Variants in ARFGEF1 observed in about 807,000 individuals in gnomAD.
ARFGEF1 encodes the protein ARF guanine nucleotide exchange factor 1.
In ARFGEF1, 42 loss-of-function variants were observed where a neutral mutation model predicts 231.0. That is an observed-to-expected ratio of 0.18 (90% CI 0.14 to 0.24). ARFGEF1 has a LOEUF of 0.24. Ranked by LOEUF, ARFGEF1 falls within the 10% of genes least tolerant of loss-of-function variation. The pLI, the probability that ARFGEF1 is intolerant of heterozygous loss-of-function variation, is 1.00. For missense variants in ARFGEF1, 1,345 were observed against 2,192.0 expected (o/e 0.61, Z 7.72); for synonymous variants, 710 against 732.3 (o/e 0.97, Z 0.49).
intron 5 of ARFGEF1, among the ~76,000 whole-genome samples, chr8:67,192,134 G>A (rs756901795): frequency 6.7e-5 from 10 of 149,620 alleles, no homozygotes; most frequent in Admixed American, 1.3e-4. Flanking sequence ...TTGCAGTGGC[G>A]TGATCTCAGT....
At chr8:67,281,086 C>A (rs1235633784) in intron 7 of ARFGEF1, among the ~76,000 whole-genome samples, 2 of 148,670 alleles carry the variant, frequency 1.3e-5, no homozygotes, top group African/African-American at 2.5e-5. Flanking sequence ...GAAACAAAAA[C>A]TACACTGGAA....
chr8:67,317,545 G>C (rs370472388), intron 1 of ARFGEF1, among the ~76,000 whole-genome samples: 6 of 148,338 alleles, frequency 4.0e-5, no homozygotes, highest in African/African-American at 1.0e-4. Flanking sequence ...AATCCAGCAA[G>C]GTATAAAAAG....
intron 1 of ARFGEF1, among the ~76,000 whole-genome samples, chr8:67,338,358 A>C (rs561442816): frequency 1.1e-4 from 17 of 152,200 alleles, no homozygotes; most frequent in Non-Finnish European, 2.4e-4. Context: ...CAGTGTCCCA[A>C]AGTAAGTTCC....
chr8:67,306,584 C>T (rs981554362), intron 1 of ARFGEF1, among the ~76,000 whole-genome samples: 23 of 151,930 alleles, frequency 1.5e-4, no homozygotes, highest in African/African-American at 4.8e-4. Flanking sequence ...AAATACAACC[C>T]GCAAAATAAT....
chr8:67,223,363 G>A (rs982344442), intron 29 of ARFGEF1, among the ~76,000 whole-genome samples: 3 of 152,078 alleles, frequency 2.0e-5, no homozygotes, highest in Non-Finnish European at 4.4e-5. Context: ...TGACCACCAT[G>A]CCTAGTTAAC....
At position 67,226,098 on chromosome 8, in the gene ARFGEF1, T is replaced by A. The variant is rs1165373234; in HGVS notation, c.4002A>T (p.Ala1334=). The A allele has an allele frequency of 6.2e-7, 1 of 1,613,356 alleles. No individual in the cohort carries two copies. The highest frequency in any genetic ancestry group is 2.2e-5 in the East Asian group (1 of 44,826). Residue 1334 remains alanine (A), a synonymous_variant, in exon 28 of 39, where the codon GCA becomes GCT. Transcript: ENST00000262215. ...CTTCCATACTTGTGTCTGGGAAAGC[T>A]GCATTGCACGCAAATTCAGACAAAC... ...VKCLSEFACN[A]AFPDTSMEAI...
chr8:67,262,310 GAAGTA>G (rs1452776953), intron 14 of ARFGEF1, among the ~76,000 whole-genome samples: 1 of 152,204 alleles, frequency 6.6e-6, no homozygotes, highest in East Asian at 1.9e-4. Flanking sequence ...AAGAGACTTA[GAAGTA>G]AAGTGTGAAG....
intron 1 of ARFGEF1, among the ~76,000 whole-genome samples, chr8:67,330,612 A>C (rs185965820): frequency 1.1e-4 from 17 of 152,238 alleles, no homozygotes; most frequent in Non-Finnish European, 2.5e-4. Flanking sequence ...AATTGTAAAA[A>C]CTCATTTTTG....
intron 10 of ARFGEF1, among the ~76,000 whole-genome samples, chr8:67,269,826 C>A (rs1251675157): frequency 1.3e-5 from 2 of 152,058 alleles, no homozygotes; most frequent in African/African-American, 4.8e-5. Context: ...TACAAATTGA[C>A]AAGAAATTTC....
At chr8:67,247,298 T>C (rs901940452) in intron 19 of ARFGEF1, among the ~76,000 whole-genome samples, 3 of 149,242 alleles carry the variant, frequency 2.0e-5, no homozygotes, top group African/African-American at 7.5e-5. Flanking sequence ...AAAAAAAAAT[T>C]GCAGGCCAAT....
At position 67,259,855 on chromosome 8, in the gene ARFGEF1, T is replaced by A. The variant is rs1840584853; in HGVS notation, c.2195A>T (p.Asp732Val). Residue 732 changes from aspartate to valine, a missense_variant, in exon 15 of 39, where the codon GAT (aspartate) becomes GTT (valine). Asp to Val is a radical substitution (Grantham distance 152, BLOSUM62 -3). Around this residue, in one of 14 missense-constraint regions of ARFGEF1, gnomAD observed 105 missense variants for 159.3 expected, o/e 0.66. Transcript: ENST00000262215. ...CTCTTGATGTAAGAATTGGGCAATA[T>A]CTTCAGGTGTGGTGCCAAGCATCCC... ...EQGMLGTTPE[D>V]IAQFLHQEER... 2 of 1,612,818 alleles carry A rather than the reference T, an allele frequency of 1.2e-6. No homozygotes were observed. The highest frequency in any genetic ancestry group is 4.5e-5 in the East Asian group (2 of 44,838).
chr8:67,343,327 C>G lies in ARFGEF1; in HGVS notation c.-40G>C, dbSNP rs1217933029. The G allele has an allele frequency of 6.2e-7, 1 of 1,603,788 alleles. No individual in the cohort carries two copies. The highest frequency in any genetic ancestry group is 1.7e-5 in the Admixed American group (1 of 59,588). On this transcript the variant is annotated 5_prime_UTR_variant, in exon 1 of 39. Coordinates refer to ENST00000262215, the MANE Select transcript of ARFGEF1 (RefSeq NM_006421.5). Reference sequence around the variant, plus strand: ...AGGCGGCGGCTCGTCCGACCCGCGGCTCCCAGCGGCTGGAGGGGAGGAGGA... The same window carrying G: ...AGGCGGCGGCTCGTCCGACCCGCGGGTCCCAGCGGCTGGAGGGGAGGAGGA...
intron 5 of ARFGEF1, chr8:67,190,651 G>A (rs1017592918): frequency 4.3e-6 from 7 of 1,613,300 alleles, no homozygotes; most frequent in Non-Finnish European, 5.9e-6. Flanking sequence ...TCCTCTTAGG[G>A]GCTTACGGTG....
chr8:67,343,010 C>T (rs1184531818), intron 1 of ARFGEF1, among the ~76,000 whole-genome samples, 154 bp downstream of exon 1: 3 of 152,144 alleles, frequency 2.0e-5, no homozygotes, highest in African/African-American at 7.2e-5. Flanking sequence ...GAGTTCCTGT[C>T]AACTCCAGAC....
intron 5 of ARFGEF1, among the ~76,000 whole-genome samples, chr8:67,184,512 C>T (rs1244767361): frequency 6.6e-6 from 1 of 151,430 alleles, no homozygotes; most frequent in Non-Finnish European, 1.5e-5. Context: ...CTGAGGTGGG[C>T]GGATCACCTG....
At position 67,246,828 on chromosome 8, in the gene ARFGEF1, T is replaced by C. The variant is rs936839614; in HGVS notation, c.2850+4471A>G. On this transcript the variant is annotated intron_variant, in intron 19 of 38. Transcript: ENST00000262215. ...ACAAAAAGTTGGTTTTCTGAAATGA[T>C]AGATAAACTTGACAAACCTTAACCA... Among the ~76,000 whole-genome samples the C allele has an allele frequency of 2.0e-5, 3 of 149,600 alleles. 1 individual carries two copies. Among genetic ancestry groups the C allele is most frequent in the African/African-American group, 7.5e-5 (3 of 39,874 alleles).
chr8:67,219,611 C>T (rs1268297585), intron 29 of ARFGEF1, 51 bp from the exon 30 acceptor site: 1 of 1,525,684 alleles, frequency 6.6e-7, no homozygotes, highest in Non-Finnish European at 8.8e-7. Flanking sequence ...AAGCATACTT[C>T]TCCTAAAATA....
intron 1 of ARFGEF1, 76 bp downstream of exon 1, chr8:67,343,088 A>ACCCCCCCCCCCCCCCCCGGCCCCCCCCC: frequency 2.5e-6 from 1 of 399,152 alleles, no homozygotes; most frequent in Non-Finnish European, 4.8e-6. Flanking sequence ...GCCCCGGGCG[A>ACCCCCCCCCCCCCCCCCGGCCCCCCCCC]CCCCACCCCC....
intron 1 of ARFGEF1, among the ~76,000 whole-genome samples, chr8:67,319,663 A>G (rs1240446090): frequency 6.6e-6 from 1 of 152,194 alleles, no homozygotes; most frequent in Non-Finnish European, 1.5e-5. Context: ...CTTAGATAAA[A>G]TACCAAAAGC....
Sources: allele counts gnomAD v4.1 joint callset (sites outside exome capture counted in the v4.1 genomes callset), GRCh38; gene constraint gnomAD v4.1.1; regional missense constraint gnomAD v4.1.1; transcripts MANE v1.5; gene names NCBI Gene and HGNC (gene_info 2026-07-23, HGNC 2026-07-21).